The following PATJ variants were observed in gnomAD, a reference collection of about 807,000 sequenced individuals.
PATJ encodes the protein PATJ crumbs cell polarity complex component, also known as inaD-like protein.
In PATJ, 190 loss-of-function variants were observed where a neutral mutation model predicts 224.9. That is an observed-to-expected ratio of 0.84 (90% CI 0.75 to 0.95). The LOEUF (loss-of-function observed/expected upper bound fraction) is 0.95, where lower values mean the gene tolerates loss of function less well. Among genes scored for constraint, PATJ ranks in the 40% least tolerant of loss-of-function variants. The probability of loss-of-function intolerance (pLI) is 0.00; values close to 1 mark genes in which losing one functional copy is unlikely to be tolerated. For missense variants in PATJ, 2,121 were observed against 2,270.3 expected (o/e 0.93, Z 1.34); for synonymous variants, 769 against 820.3 (o/e 0.94, Z 1.07).
At chr1:61,874,677 A>T (rs1667116421) in intron 20 of PATJ, among the ~76,000 whole-genome samples, 2 of 152,228 alleles carry the variant, frequency 1.3e-5, no homozygotes, top group Admixed American at 1.3e-4. Flanking sequence ...GAAGATTGTG[A>T]CTTTGGAAAA....
intron 26 of PATJ, among the ~76,000 whole-genome samples, chr1:61,919,867 T>C (rs956320725): frequency 6.6e-6 from 1 of 152,160 alleles, no homozygotes; most frequent in Non-Finnish European, 1.5e-5. Flanking sequence ...TTGACATTGG[T>C]TGAGACATGT....
intron 27 of PATJ, among the ~76,000 whole-genome samples, chr1:61,970,296 CA>C (rs1682784871): frequency 6.6e-6 from 1 of 151,926 alleles, no homozygotes; most frequent in Admixed American, 6.6e-5. Flanking sequence ...ATACCTCCCC[CA>C]CCGACACACG....
chr1:61,898,579 A>G (rs920625410), intron 22 of PATJ, among the ~76,000 whole-genome samples: 2 of 152,046 alleles, frequency 1.3e-5, no homozygotes, highest in African/African-American at 4.8e-5. Flanking sequence ...TAGTGCCTAG[A>G]TTTTTGTATA....
chr1:62,027,533 A>C (rs1251609669), intron 29 of PATJ, among the ~76,000 whole-genome samples: 7 of 151,874 alleles, frequency 4.6e-5, no homozygotes, highest in Non-Finnish European at 8.8e-5. Context: ...TTTTCTGAGG[A>C]ACCTCCATAC....
intron 31 of PATJ, among the ~76,000 whole-genome samples, chr1:62,065,165 A>C (rs1343305252): frequency 6.6e-6 from 1 of 152,216 alleles, no homozygotes; most frequent in Non-Finnish European, 1.5e-5. Flanking sequence ...TTCCTTCAGG[A>C]AAGTCTCTGG....
chr1:61,994,563 T>A (rs918800661), intron 28 of PATJ, among the ~76,000 whole-genome samples: 6 of 152,114 alleles, frequency 3.9e-5, no homozygotes, highest in African/African-American at 1.4e-4. Flanking sequence ...ATTCTTTTTT[T>A]TTTTTCCCAA....
At chr1:62,005,133 T>A (rs2149631997) in intron 28 of PATJ, among the ~76,000 whole-genome samples, 1 of 152,002 alleles carries the variant, frequency 6.6e-6, no homozygotes, top group Non-Finnish European at 1.5e-5. Flanking sequence ...GGTTTTTAAA[T>A]TTTTTAGGAT....
At position 61,984,225 on chromosome 1, in the gene PATJ, A is replaced by G. The variant is rs546147133; in HGVS notation, c.3671-5943A>G. Among the ~76,000 whole-genome samples, 31 of 149,138 alleles carry G rather than the reference A, an allele frequency of 2.1e-4. 2 individuals are homozygous for G. The highest frequency in any genetic ancestry group is 7.0e-4 in the African/African-American group (28 of 40,126). ...ACCCAGGCTGGAGTGCAGAGGTGCC[A>G]TCTCTGCTCACTGCAACCTCCCCCT... is the stretch of plus-strand genomic sequence containing the variant. On this transcript the variant is annotated intron_variant, in intron 27 of 43. Transcript: ENST00000642238.
chr1:61,864,087 G>C, intron 19 of PATJ, 151 bp from the exon 20 acceptor site: 2 of 612,076 alleles, frequency 3.3e-6, no homozygotes, highest in Non-Finnish European at 5.7e-6. Flanking sequence ...GTGAGCTTGT[G>C]TTTCTCCATG....
chr1:61,976,703 C>T (rs925902594), intron 27 of PATJ, among the ~76,000 whole-genome samples: 4 of 151,860 alleles, frequency 2.6e-5, no homozygotes, highest in Non-Finnish European at 5.9e-5. Flanking sequence ...CCAGTGTGCC[C>T]GGACTTGTTT....
At chr1:62,120,838 TGACTATATA>T in intron 37 of PATJ, 1 of 217,380 alleles carries the variant, frequency 4.6e-6, no homozygotes, top group Non-Finnish European at 9.0e-6. Context: ...GCCCATTAGC[TGACTATATA>T]TACATAAACA....
intron 3 of PATJ, among the ~76,000 whole-genome samples, chr1:61,763,398 G>A (rs1487426917): frequency 1.3e-5 from 2 of 151,894 alleles, no homozygotes; most frequent in Non-Finnish European, 2.9e-5. Context: ...TGGATGTGGT[G>A]GCATGTACCG....
chr1:61,923,006 A>ACT (rs1674555324), intron 26 of PATJ, among the ~76,000 whole-genome samples: 1 of 152,248 alleles, frequency 6.6e-6, no homozygotes, highest in Non-Finnish European at 1.5e-5. Flanking sequence ...AAAAAAGTAA[A>ACT]TGTGTGATTC....
intron 32 of PATJ, 29 bp downstream of exon 32, chr1:62,079,596 C>A: frequency 7.1e-7 from 1 of 1,408,530 alleles, no homozygotes; most frequent in South Asian, 1.2e-5. Flanking sequence ...GCAGATCTGG[C>A]TCATTAAGCC....
At chr1:61,845,064 G>A (rs1377500180) in intron 17 of PATJ, among the ~76,000 whole-genome samples, 1 of 152,112 alleles carries the variant, frequency 6.6e-6, no homozygotes, top group African/African-American at 2.4e-5. Flanking sequence ...ATATATATAG[G>A]ACTTGGTACT....
Position 62,158,584 on chromosome 1 carries a change from G to A in PATJ, c.5503-2324G>A, listed in dbSNP as rs1036987204. 4.7e-5 allele frequency among the ~76,000 whole-genome samples: 7 copies of A among 148,558 alleles called. No individual in the cohort carries two copies. In the East Asian group the frequency reaches 1.4e-3, roughly 29 times the overall value. On this transcript the variant is annotated intron_variant, in intron 43 of 43. Coordinates refer to ENST00000642238, the MANE Select transcript of PATJ (RefSeq NM_001350145.3). ...AAAATACAAAAAATTAGCCAGGCGT[G>A]GTGGCGGGCGCCTGTAGTCCCAGCT...
At chr1:62,134,920 G>A (rs1441701836) in intron 41 of PATJ, among the ~76,000 whole-genome samples, 1 of 152,132 alleles carries the variant, frequency 6.6e-6, no homozygotes, top group Non-Finnish European at 1.5e-5. Flanking sequence ...TCCAGGAGGG[G>A]AGGAAGACGG....
At chr1:61,842,888 A>G (rs1341667456) in intron 17 of PATJ, among the ~76,000 whole-genome samples, 1 of 152,190 alleles carries the variant, frequency 6.6e-6, no homozygotes, top group Non-Finnish European at 1.5e-5. Flanking sequence ...GTGTGATGTC[A>G]GTATTAAGAA....
chr1:61,780,341 C>T (rs1173817088), intron 7 of PATJ, among the ~76,000 whole-genome samples: 10 of 151,880 alleles, frequency 6.6e-5, no homozygotes, highest in Admixed American at 5.9e-4. Flanking sequence ...GGTGCATGCC[C>T]ATAATCCCAG....
Sources: gnomAD v4.1 joint callset for allele counts (sites outside exome capture counted in the v4.1 genomes callset) on GRCh38, gnomAD v4.1.1 for gene constraint, MANE v1.5 for transcripts, NCBI Gene and HGNC (gene_info 2026-07-23, HGNC 2026-07-21) for gene names.